Variants in CSMD3 observed in about 807,000 individuals in gnomAD.
The protein encoded by CSMD3 is CUB and sushi domain-containing protein 3.
In CSMD3, 177 loss-of-function variants were observed where a neutral mutation model predicts 435.2. The observed-to-expected ratio is 0.41, with a 90% CI of 0.36 to 0.46. The LOEUF (loss-of-function observed/expected upper bound fraction) is 0.46. CSMD3 is among the 20% of genes least tolerant of loss of function. CSMD3 has a pLI of 0.34. For missense variants in CSMD3, 4,265 were observed against 4,504.6 expected, an observed-to-expected ratio of 0.95 and a Z score of 1.52; for synonymous variants, 1,656 against 1,520.5, an observed-to-expected ratio of 1.09 and a Z score of -2.07.
At chr8:112,909,169 A>T (rs1027913355) in intron 10 of CSMD3, among the ~76,000 whole-genome samples, 5 of 151,640 alleles carry the variant, frequency 3.3e-5, no homozygotes, top group African/African-American at 1.2e-4. Context: ...ATGAATATTT[A>T]TCATTCAAAC....
At chr8:112,977,922 G>A (rs2084913898) in intron 6 of CSMD3, among the ~76,000 whole-genome samples, 1 of 151,908 alleles carries the variant, frequency 6.6e-6, no homozygotes, top group African/African-American at 2.4e-5. Context: ...CAATAGCTAT[G>A]CTTGCACTAC....
At position 113,049,646 on chromosome 8, in the gene CSMD3, CTTG is replaced by C. The variant is rs550812601; in HGVS notation, c.918-30470_918-30468del. 1.8e-4 allele frequency among the ~76,000 whole-genome samples: 27 copies of C among 152,194 alleles called. No homozygotes were observed. The South Asian group carries it at 3.1e-3, about 18-fold the overall frequency. The stretch of plus-strand genomic sequence containing the variant: ...CAAACTATATTCTATGGTACATTGA[CTTG>C]TTGTGCCTTTATGTTGACATTTTCA... On this transcript the variant is annotated intron_variant, in intron 5 of 70. Transcript: ENST00000297405.
Position 112,604,187 on chromosome 8 carries a change from A to G in CSMD3, c.3716-16952T>C, listed in dbSNP as rs531986358. The stretch of plus-strand genomic sequence containing the variant: ...ATTTTTACTGCATTACTCATAGTAA[A>G]TATTCAAAAAGTTCAGAAGACCTTA... On this transcript the variant is annotated intron_variant, in intron 22 of 70. Coordinates refer to ENST00000297405, the MANE Select transcript of CSMD3 (RefSeq NM_198123.2). Among the ~76,000 whole-genome samples, 6 of 152,292 alleles carry G rather than the reference A, an allele frequency of 3.9e-5. No individual in the cohort carries two copies. In the South Asian group the frequency reaches 1.2e-3, roughly 32 times the overall value.
chr8:113,327,297 T>C (rs1374062410), intron 1 of CSMD3, among the ~76,000 whole-genome samples: 1 of 152,204 alleles, frequency 6.6e-6, no homozygotes, highest in African/African-American at 2.4e-5. Flanking sequence ...TATTTGGTGG[T>C]ACTTCTGGAA....
At chr8:112,885,199 C>T (rs76566655) in intron 10 of CSMD3, among the ~76,000 whole-genome samples, 6,248 of 151,622 alleles carry the variant, frequency 0.041, 156 homozygotes, top group African/African-American at 0.055. Flanking sequence ...GAGTGATTGA[C>T]AGTCATAGGA....
At chr8:113,372,211 G>C (rs2094349988) in intron 1 of CSMD3, among the ~76,000 whole-genome samples, 1 of 152,116 alleles carries the variant, frequency 6.6e-6, no homozygotes, top group Non-Finnish European at 1.5e-5. Context: ...AAAATTGTAT[G>C]AAGTACCATA....
chr8:112,752,247 A>G (rs1011006408), intron 13 of CSMD3, among the ~76,000 whole-genome samples: 12 of 152,052 alleles, frequency 7.9e-5, no homozygotes, highest in African/African-American at 2.7e-4. Flanking sequence ...ACTGGTCTCT[A>G]TTCCTAAGCC....
chr8:113,434,808 C>T (rs552302827), intron 1 of CSMD3, among the ~76,000 whole-genome samples: 3 of 152,282 alleles, frequency 2.0e-5, no homozygotes, highest in East Asian at 3.9e-4. Context: ...GCAGCCGGGG[C>T]TCTAATTGCA....
chr8:113,390,332 ACC>A (rs1405867940), intron 1 of CSMD3, among the ~76,000 whole-genome samples: 1 of 151,754 alleles, frequency 6.6e-6, no homozygotes, highest in Non-Finnish European at 1.5e-5. Flanking sequence ...TATTTCACTG[ACC>A]CAGGAGATTT....
At chr8:112,691,767 T>G (rs576946255) in intron 13 of CSMD3, among the ~76,000 whole-genome samples, 1 of 152,148 alleles carries the variant, frequency 6.6e-6, no homozygotes, top group East Asian at 1.9e-4. Context: ...AACCAGTGTT[T>G]GCTGTTGATA....
chr8:113,427,477 A>G (rs529966235), intron 1 of CSMD3, among the ~76,000 whole-genome samples: 1 of 149,990 alleles, frequency 6.7e-6, no homozygotes, highest in African/African-American at 2.5e-5. Context: ...CTCATAAACC[A>G]ATTATGTCTA....
chr8:112,811,205 A>G (rs1219099565), intron 12 of CSMD3, among the ~76,000 whole-genome samples: 1 of 152,072 alleles, frequency 6.6e-6, no homozygotes, highest in Non-Finnish European at 1.5e-5. Flanking sequence ...TTTAATAATT[A>G]TCGTGTTATA....
chr8:112,474,112 C>G (rs374844208), intron 31 of CSMD3, among the ~76,000 whole-genome samples: 1 of 152,136 alleles, frequency 6.6e-6, no homozygotes, highest in Admixed American at 6.6e-5. Flanking sequence ...ACTGGAGCAG[C>G]TCTCTGCAAG....
chr8:112,910,854 G>T (rs137870342), intron 10 of CSMD3, among the ~76,000 whole-genome samples: 3 of 151,762 alleles, frequency 2.0e-5, no homozygotes, highest in African/African-American at 4.8e-5. Flanking sequence ...CAGTGAAAAC[G>T]ATTTTACCCA....
At chr8:113,005,396 A>G (rs2086018616) in intron 6 of CSMD3, among the ~76,000 whole-genome samples, 1 of 152,066 alleles carries the variant, frequency 6.6e-6, no homozygotes, top group Non-Finnish European at 1.5e-5. Context: ...AATTAAGGCC[A>G]TATAGAATCA....
Position 112,692,088 on chromosome 8 carries a change from C to A in CSMD3, c.1973-2038G>T, listed in dbSNP as rs117363605. On this transcript the variant is annotated intron_variant, in intron 13 of 70. Coordinates refer to ENST00000297405, the MANE Select transcript of CSMD3 (RefSeq NM_198123.2). Reference sequence around the variant, plus strand: ...AAAGTGCTGGAATTACAGGTGTGAGCCACTGCGCCCGGCAAATTCTATTGT... The same window carrying A: ...AAAGTGCTGGAATTACAGGTGTGAGACACTGCGCCCGGCAAATTCTATTGT... 1.8e-3 allele frequency among the ~76,000 whole-genome samples: 274 copies of A among 152,192 alleles called. 2 individuals are homozygous for A. The highest frequency in any genetic ancestry group is 2.7e-3 in the Non-Finnish European group (185 of 68,004).
chr8:113,077,125 C>G (rs535627631), intron 5 of CSMD3, among the ~76,000 whole-genome samples: 1 of 151,932 alleles, frequency 6.6e-6, no homozygotes, highest in Non-Finnish European at 1.5e-5. Context: ...CACATACACA[C>G]GAGTGCATAT....
rs1012495262 is a variant in CSMD3 at position 113,066,148 on chromosome 8, GAAAA to G, written c.917+32604_917+32607del. On this transcript the variant is annotated intron_variant, in intron 5 of 70. Transcript: ENST00000297405. ...GAAAAAGAAAAAAAAAAAAAAGAAA[GAAAA>G]AGAAAGGACAAAAAAGCGAGACAAA... Among the ~76,000 whole-genome samples the G allele has an allele frequency of 1.4e-4, 21 of 146,200 alleles. No individual in the cohort carries two copies. The South Asian group carries it at 2.8e-3, about 20-fold the overall frequency.
Position 112,517,156 on chromosome 8 carries a change from T to A in CSMD3, c.4634A>T (p.Glu1545Val), listed in dbSNP as rs2130989246. 6.2e-7 allele frequency: 1 copy of A among 1,613,826 alleles called. No homozygotes were observed. Among genetic ancestry groups the A allele is most frequent in the Non-Finnish European group, 8.5e-7 (1 of 1,179,886 alleles). ...TTGAAAAACAACAGTGTCCCCAGGT[T>A]CTCTTCCATCCCCATTTCGAGTCCC... is the stretch of plus-strand genomic sequence containing the variant. ...MNGTRNGDGREPGDTVVFQCD... is the reference protein window; with the variant it reads ...MNGTRNGDGRVPGDTVVFQCD... The change falls in exon 28 of 71, where the codon GAA becomes GTA. Residue 1545 changes from glutamate to valine, a missense_variant. Coordinates refer to ENST00000297405, the MANE Select transcript of CSMD3 (RefSeq NM_198123.2).
Sources: allele counts gnomAD v4.1 joint callset (sites outside exome capture counted in the v4.1 genomes callset), GRCh38; gene constraint gnomAD v4.1.1; transcripts MANE v1.5; gene names NCBI Gene and HGNC (gene_info 2026-07-23, HGNC 2026-07-21).